The following NIN variants were observed in gnomAD, a reference collection of about 807,000 sequenced individuals.
NIN encodes glycogen synthase kinase 3 beta-interacting protein.
NIN carries 137 observed loss-of-function variants against 257.6 expected under a neutral mutation model. That is an observed-to-expected ratio of 0.53 (90% CI 0.46 to 0.61). The LOEUF (loss-of-function observed/expected upper bound fraction) is 0.61, where lower values mean the gene tolerates loss of function less well. NIN is among the 20% of genes least tolerant of loss of function. The probability of loss-of-function intolerance (pLI) is 0.00; values close to 1 mark genes in which losing one functional copy is unlikely to be tolerated. For missense variants in NIN, 2,439 were observed against 2,501.2 expected, an observed-to-expected ratio of 0.98 and a Z score of 0.53; for synonymous variants, 918 against 919.8, an observed-to-expected ratio of 1.00 and a Z score of 0.04.
intron 28 of NIN, among the ~76,000 whole-genome samples, chr14:50,732,872 C>A (rs377604519): frequency 9.9e-5 from 15 of 151,686 alleles, no homozygotes; most frequent in African/African-American, 3.4e-4. Context: ...GGACTACAGG[C>A]GCATGCCACG....
chr14:50,720,648 G>A lies in NIN; in HGVS notation c.*2815C>T, dbSNP rs2040253652. On this transcript the variant is annotated 3_prime_UTR_variant, in exon 31 of 31. Transcript: ENST00000530997. ...AAACAGTTTAAAAAATCTGGATTTA[G>A]TAAGAGTTTTAGAAAAATAAATAAA... 4.8e-6 allele frequency: 1 copy of A among 206,904 alleles called. No individual in the cohort carries two copies. The highest frequency in any genetic ancestry group is 1.9e-4 in the South Asian group (1 of 5,322). 12.8% of individuals were successfully genotyped at this position (206,904 alleles called of 1,614,324 possible).
Position 50,723,160 on chromosome 14 carries a change from C to A in NIN, c.*303G>T. 1 of 275,852 alleles carries A rather than the reference C, an allele frequency of 3.6e-6. No individual in the cohort carries two copies. The highest frequency in any genetic ancestry group is 6.8e-6 in the Non-Finnish European group (1 of 147,710). The allele number at this position is 275,852 out of a possible 1,614,324, so 17.1% of individuals were successfully genotyped here. ...TAATAATTAAAAAAAAAACCAAAAC[C>A]ACAAAAACTCATTCAAAACTGGTAT... On this transcript the variant is annotated 3_prime_UTR_variant, in exon 31 of 31. Coordinates refer to ENST00000530997, the MANE Select transcript of NIN (RefSeq NM_020921.4).
chr14:50,748,230 A>T, intron 21 of NIN, 125 bp from the exon 22 acceptor site: 1 of 589,628 alleles, frequency 1.7e-6, no homozygotes, highest in Non-Finnish European at 3.0e-6. Context: ...TTTTATGACC[A>T]TTTTTTATCG....
intron 12 of NIN, among the ~76,000 whole-genome samples, chr14:50,768,052 AACAC>A (rs61028485): frequency 0.2 from 28,442 of 138,756 alleles, 2,908 homozygotes; most frequent in South Asian, 0.36. Context: ...CACATTTGCC[AACAC>A]ACACACACAC....
intron 9 of NIN, 86 bp from the exon 10 acceptor site, chr14:50,771,554 C>G (rs1035473307): frequency 7.1e-7 from 1 of 1,408,464 alleles, no homozygotes; most frequent in Non-Finnish European, 9.8e-7. Flanking sequence ...TATACAAACT[C>G]TGAGAGCTGA....
At chr14:50,827,803 C>A (rs1351261806) in intron 2 of NIN, among the ~76,000 whole-genome samples, 1 of 149,252 alleles carries the variant, frequency 6.7e-6, no homozygotes, top group Non-Finnish European at 1.5e-5. Flanking sequence ...CAACCTTTGT[C>A]AACTACACTA....
chr14:50,744,529 C>T (rs1257322646), intron 22 of NIN, among the ~76,000 whole-genome samples, 164 bp from the exon 23 acceptor site: 2 of 152,176 alleles, frequency 1.3e-5, no homozygotes, highest in Admixed American at 1.3e-4. Context: ...TCAAGGATTC[C>T]CTTCTGGCTT....
intron 5 of NIN, among the ~76,000 whole-genome samples, chr14:50,786,117 T>A (rs2043339117): frequency 6.6e-6 from 1 of 152,134 alleles, no homozygotes. Context: ...AATGCTGAAT[T>A]TAAGAGTTTG....
intron 17 of NIN, among the ~76,000 whole-genome samples, chr14:50,759,487 C>T (rs951858434): frequency 7.1e-6 from 1 of 141,336 alleles, no homozygotes; most frequent in African/African-American, 2.7e-5. Context: ...GTCTCTTAAG[C>T]GACTGGCACT....
chr14:50,739,315 C>G lies in NIN; in HGVS notation c.5621G>C (p.Arg1874Pro), dbSNP rs750575963. The G allele has an allele frequency of 1.2e-6, 2 of 1,613,892 alleles. No individual in the cohort carries two copies. The highest frequency in any genetic ancestry group is 1.7e-6 in the Non-Finnish European group (2 of 1,179,898). ...QNTKAELTHS[R>P]EKVRQLESNL... The stretch of plus-strand genomic sequence containing the variant: ...TGCAGCTTCTCCAATTACCTTCTCC[C>G]GGGAGTGCGTGAGTTCGGCTTTGGT... Residue 1874 changes from arginine (R) to proline (P), a missense_variant, in exon 26 of 31, where the codon CGG becomes CCG. Arg to Pro is a moderately radical substitution (Grantham distance 103). Transcript: ENST00000530997.
intron 27 of NIN, 79 bp downstream of exon 27, chr14:50,738,061 G>T: frequency 2.1e-6 from 3 of 1,411,280 alleles, no homozygotes; most frequent in South Asian, 1.3e-5. Flanking sequence ...TTCCTTAGAA[G>T]TACACCTGAG....
At chr14:50,761,463 A>G (rs1310174230) in intron 16 of NIN, among the ~76,000 whole-genome samples, 1 of 152,242 alleles carries the variant, frequency 6.6e-6, no homozygotes, top group Non-Finnish European at 1.5e-5. Flanking sequence ...GCCAAGGTTC[A>G]GAACTTGTAC....
intron 3 of NIN, among the ~76,000 whole-genome samples, chr14:50,819,121 T>G (rs1395270783): frequency 6.6e-6 from 1 of 152,184 alleles, no homozygotes; most frequent in African/African-American, 2.4e-5. Flanking sequence ...AGAGGAAGCT[T>G]AGAAGTTGTA....
At chr14:50,767,619 C>T (rs1044403757) in intron 12 of NIN, among the ~76,000 whole-genome samples, 4 of 152,066 alleles carry the variant, frequency 2.6e-5, no homozygotes, top group South Asian at 2.1e-4. Context: ...AGATCGAGAC[C>T]ATCCTGGCGA....
At chr14:50,753,965 T>C (rs1238620873) in intron 20 of NIN, among the ~76,000 whole-genome samples, 1 of 152,190 alleles carries the variant, frequency 6.6e-6, no homozygotes, top group Non-Finnish European at 1.5e-5. Flanking sequence ...GAGTCCAAAA[T>C]ACATTTTGGA....
At chr14:50,797,770 T>C (rs1417383402) in intron 4 of NIN, among the ~76,000 whole-genome samples, 1 of 150,226 alleles carries the variant, frequency 6.7e-6, no homozygotes, top group Non-Finnish European at 1.5e-5. Context: ...GAGAGACAGA[T>C]ATGGAGAGAG....
chr14:50,829,991 T>C (rs990190260), intron 2 of NIN, among the ~76,000 whole-genome samples: 6 of 152,160 alleles, frequency 3.9e-5, no homozygotes, highest in Non-Finnish European at 8.8e-5. Flanking sequence ...TCCTGGGCAT[T>C]ATACTGGGAA....
intron 5 of NIN, among the ~76,000 whole-genome samples, chr14:50,786,409 G>C (rs1005495745): frequency 1.3e-5 from 2 of 151,980 alleles, no homozygotes; most frequent in Non-Finnish European, 2.9e-5. Flanking sequence ...GTGGGGTCTG[G>C]TCTCCAAGAC....
intron 2 of NIN, among the ~76,000 whole-genome samples, chr14:50,828,479 A>G (rs1472556606): frequency 6.6e-6 from 1 of 152,222 alleles, no homozygotes; most frequent in Non-Finnish European, 1.5e-5. Flanking sequence ...AAGTCTCTCC[A>G]TAAGCCCCTG....
Sources: gnomAD v4.1 joint callset for allele counts (sites outside exome capture counted in the v4.1 genomes callset) on GRCh38, gnomAD v4.1.1 for gene constraint, MANE v1.5 for transcripts, NCBI Gene and HGNC (gene_info 2026-07-23, HGNC 2026-07-21) for gene names.